The following CLASP1 variants were observed in gnomAD, a reference collection of about 807,000 sequenced individuals.
CLASP1 encodes the protein cytoplasmic linker associated protein 1.
A neutral mutation model predicts 192.3 loss-of-function variants in CLASP1; 38 were observed. The ratio of observed to expected loss-of-function variants is 0.20; its 90% CI spans 0.15 to 0.26. The LOEUF (loss-of-function observed/expected upper bound fraction) is 0.26. Among genes scored for constraint, CLASP1 ranks in the 10% least tolerant of loss-of-function variants. CLASP1 has a pLI of 1.00. For synonymous variants in CLASP1, 691 were observed against 712.8 expected (o/e 0.97, Z 0.49); for missense variants, 1,433 against 1,932.5 (o/e 0.74, Z 4.85).
intron 2 of CLASP1, among the ~76,000 whole-genome samples, chr2:121,533,909 G>A (rs1174832493): frequency 6.6e-6 from 1 of 152,168 alleles, no homozygotes; most frequent in Non-Finnish European, 1.5e-5. Flanking sequence ...AGTTCTCAAG[G>A]TCCAACACAT....
chr2:121,415,572 T>C (rs185249349), intron 23 of CLASP1, among the ~76,000 whole-genome samples: 1 of 152,360 alleles, frequency 6.6e-6, no homozygotes, highest in African/African-American at 2.4e-5. Context: ...AATAAAGACT[T>C]GGTTCAAAAC....
intron 16 of CLASP1, 71 bp from the exon 17 acceptor site, chr2:121,449,191 C>T: frequency 3.7e-6 from 5 of 1,364,772 alleles, no homozygotes; most frequent in South Asian, 1.3e-5. Flanking sequence ...CTCTGGAGTA[C>T]ACCACAGAAG....
In CLASP1 at chr2:121,415,505, T is replaced by C. The variant is rs146334101; in HGVS notation, c.2320+3117A>G. 4.0e-3 allele frequency among the ~76,000 whole-genome samples: 614 copies of C among 152,334 alleles called. 1 individual carries two copies. The highest frequency in any genetic ancestry group is 0.014 in the Middle Eastern group (4 of 294). Reference sequence around the variant, plus strand: ...TATTACTTCATCAACCTGAGGGAAATACATGCTAAATTCTGTCCTCATGTG... The same window carrying C: ...TATTACTTCATCAACCTGAGGGAAACACATGCTAAATTCTGTCCTCATGTG... On this transcript the variant is annotated intron_variant, in intron 23 of 39. Coordinates refer to ENST00000263710, the Ensembl canonical transcript of CLASP1.
intron 19 of CLASP1, among the ~76,000 whole-genome samples, chr2:121,430,759 T>C (rs1170960521): frequency 6.6e-6 from 1 of 152,056 alleles, no homozygotes; most frequent in Non-Finnish European, 1.5e-5. Context: ...AGTAAGTTTC[T>C]AAGATAAAGA....
intron 6 of CLASP1, among the ~76,000 whole-genome samples, chr2:121,519,096 C>T (rs1163242117): frequency 1.3e-5 from 2 of 152,166 alleles, no homozygotes; most frequent in African/African-American, 2.4e-5. Flanking sequence ...GGAAAAATTA[C>T]TAGCTTTAGA....
At chr2:121,457,727 T>C (rs374760188) in exon 14 of CLASP1, 8 of 1,613,272 alleles carry the variant, frequency 5.0e-6, no homozygotes, top group Non-Finnish European at 6.8e-6. Context: ...TTGCTTGTTA[T>C]GACAGGTATT....
intron 17 of CLASP1, 113 bp downstream of exon 17, chr2:121,448,840 G>C: frequency 2.0e-6 from 2 of 1,004,614 alleles, no homozygotes; most frequent in Non-Finnish European, 2.9e-6. Flanking sequence ...CTCAAGTAAG[G>C]GGGCGTTTTA....
intron 8 of CLASP1, among the ~76,000 whole-genome samples, chr2:121,496,648 A>C (rs976338036): frequency 6.6e-6 from 1 of 152,186 alleles, no homozygotes; most frequent in Admixed American, 6.5e-5. Flanking sequence ...AAGGTATCTG[A>C]GCCTTAGAAT....
intron 2 of CLASP1, among the ~76,000 whole-genome samples, chr2:121,582,279 G>C (rs1457342467): frequency 6.7e-6 from 1 of 149,248 alleles, no homozygotes; most frequent in Admixed American, 6.7e-5. Flanking sequence ...AGGAAAGGGA[G>C]AGAGAGAGAG....
intron 1 of CLASP1, among the ~76,000 whole-genome samples, 177 bp from the exon 2 acceptor site, chr2:121,606,357 A>T (rs1412192739): frequency 2.6e-5 from 4 of 152,268 alleles, no homozygotes; most frequent in African/African-American, 9.6e-5. Flanking sequence ...TATTATTTTT[A>T]TCAGGAAGAA....
chr2:121,378,125 G>A (rs2070709756), intron 33 of CLASP1, among the ~76,000 whole-genome samples: 1 of 152,076 alleles, frequency 6.6e-6, no homozygotes, highest in South Asian at 2.1e-4. Context: ...TATACTCCCA[G>A]GTATCCAATC....
At chr2:121,578,561 C>G (rs1404660901) in intron 2 of CLASP1, among the ~76,000 whole-genome samples, 1 of 151,314 alleles carries the variant, frequency 6.6e-6, no homozygotes, top group Non-Finnish European at 1.5e-5. Context: ...AACCCCATCT[C>G]TACTAAAAAT....
At chr2:121,374,490 G>T (rs2069526860) in intron 34 of CLASP1, among the ~76,000 whole-genome samples, 2 of 152,212 alleles carry the variant, frequency 1.3e-5, no homozygotes, top group South Asian at 4.1e-4. Context: ...TGAGAAGAAG[G>T]CCATAGTTCT....
chr2:121,395,047 G>A (rs1044351086), intron 30 of CLASP1, among the ~76,000 whole-genome samples: 6 of 152,104 alleles, frequency 3.9e-5, no homozygotes, highest in African/African-American at 1.4e-4. Flanking sequence ...GAGAATGGCT[G>A]CCCGTTGACA....
chr2:121,567,911 T>C (rs987780929), intron 2 of CLASP1, among the ~76,000 whole-genome samples: 3 of 152,226 alleles, frequency 2.0e-5, no homozygotes, highest in Admixed American at 6.5e-5. Flanking sequence ...TTTCTTTATG[T>C]GACTACTTCT....
chr2:121,559,690 C>T (rs1389868740), intron 2 of CLASP1, among the ~76,000 whole-genome samples: 2 of 151,902 alleles, frequency 1.3e-5, no homozygotes, highest in Non-Finnish European at 2.9e-5. Flanking sequence ...AAGCTTTGGA[C>T]AGAGAGGATG....
intron 37 of CLASP1, among the ~76,000 whole-genome samples, chr2:121,360,905 T>C (rs539963045): frequency 4.6e-5 from 7 of 152,168 alleles, no homozygotes; most frequent in Non-Finnish European, 8.8e-5. Flanking sequence ...CTCTTTTCCC[T>C]TGGGCAATTT....
chr2:121,366,414 C>T (rs2067420722), intron 35 of CLASP1, among the ~76,000 whole-genome samples: 1 of 152,208 alleles, frequency 6.6e-6, no homozygotes, highest in African/African-American at 2.4e-5. Flanking sequence ...ATCCCTACAG[C>T]CATTTCTGCT....
chr2:121,435,357 C>T (rs938802323), intron 19 of CLASP1, among the ~76,000 whole-genome samples: 1 of 152,170 alleles, frequency 6.6e-6, no homozygotes, highest in Non-Finnish European at 1.5e-5. Context: ...TCACTGCAAC[C>T]TCTGTGTCCC....
Sources: allele counts gnomAD v4.1 joint callset (sites outside exome capture counted in the v4.1 genomes callset), GRCh38; gene constraint gnomAD v4.1.1; transcripts MANE v1.5; gene names NCBI Gene and HGNC (gene_info 2026-07-23, HGNC 2026-07-21).